ASAP2: variants seen among roughly 807,000 people sequenced by gnomAD.
ASAP2 encodes the protein ArfGAP with SH3 domain, ankyrin repeat and PH domain 2, also known as arf-GAP with SH3 domain, ANK repeat and PH domain-containing protein 2.
In ASAP2, 45 loss-of-function variants were observed where a neutral mutation model predicts 131.4. The observed-to-expected ratio is 0.34, with a 90% CI of 0.27 to 0.44. ASAP2 has a LOEUF of 0.44. ASAP2 is among the 20% of genes least tolerant of loss of function. ASAP2 has a pLI of 1.00. For synonymous variants in ASAP2, 510 were observed against 503.0 expected, an observed-to-expected ratio of 1.01 and a Z score of -0.19; for missense variants, 1,011 against 1,297.0, an observed-to-expected ratio of 0.78 and a Z score of 3.39.
At chr2:9,274,089 T>A (rs1230771899) in intron 1 of ASAP2, among the ~76,000 whole-genome samples, 1 of 152,178 alleles carries the variant, frequency 6.6e-6, no homozygotes, top group Non-Finnish European at 1.5e-5. Context: ...CTGTAATAAT[T>A]ATCTCAGTTA....
Position 9,388,234 on chromosome 2 carries a change from T to C in ASAP2, c.2131-60T>C, listed in dbSNP as rs1028674947. ...GAGGTTTTCACCCCTGTGTTGAATGTTATCACCAGGAGCAGTTCATATTTG... is the reference window on the plus strand; with the variant it reads ...GAGGTTTTCACCCCTGTGTTGAATGCTATCACCAGGAGCAGTTCATATTTG... On this transcript the variant is annotated intron_variant, in intron 21 of 27. Transcript: ENST00000281419. The C allele has an allele frequency of 2.5e-6, 4 of 1,598,264 alleles. No individual in the cohort carries two copies. The East Asian group carries it at 9.0e-5, about 36-fold the overall frequency.
chr2:9,389,147 C>T lies in ASAP2; in HGVS notation c.2383+601C>T, dbSNP rs1302543493. On this transcript the variant is annotated intron_variant, in intron 22 of 27. Coordinates refer to ENST00000281419, the MANE Select transcript of ASAP2 (RefSeq NM_003887.3). The surrounding 1 kb of genome is among the most constrained non-coding windows in gnomAD (Gnocchi z 4.7). ...GTGACACTTTCTGTTTTTAGAAATA[C>T]GCAAACCAAAGCTCTCAGAAGTTAA... 6.6e-6 allele frequency among the ~76,000 whole-genome samples: 1 copy of T among 152,196 alleles called. No individual in the cohort carries two copies. The highest frequency in any genetic ancestry group is 6.5e-5 in the Admixed American group (1 of 15,280).
intron 2 of ASAP2, among the ~76,000 whole-genome samples, chr2:9,285,316 G>A (rs751729604): frequency 1.3e-5 from 2 of 152,044 alleles, no homozygotes; most frequent in Non-Finnish European, 2.9e-5. Flanking sequence ...CCCAGGTGAC[G>A]GCACTGGACT....
intron 1 of ASAP2, among the ~76,000 whole-genome samples, chr2:9,254,254 T>TATATATATACATATACACACAC (rs1553297027): frequency 1.5e-5 from 1 of 65,766 alleles, no homozygotes; most frequent in Admixed American, 1.7e-4. Context: ...TATATATATA[T>TATATATATACATATACACACAC]ACACGTGTGT....
intron 1 of ASAP2, among the ~76,000 whole-genome samples, chr2:9,258,064 G>A (rs761824196): frequency 6.6e-6 from 1 of 152,066 alleles, no homozygotes; most frequent in African/African-American, 2.4e-5. Flanking sequence ...ACCAGTGCTG[G>A]TATCATCACA....
intron 24 of ASAP2, among the ~76,000 whole-genome samples, chr2:9,395,920 T>G (rs533918979): frequency 1.3e-5 from 2 of 152,122 alleles, no homozygotes; most frequent in Non-Finnish European, 2.9e-5. Flanking sequence ...CCCTGAAGTT[T>G]TTTAGGAGTA....
chr2:9,326,670 T>C (rs972652057), intron 6 of ASAP2, among the ~76,000 whole-genome samples: 1 of 152,344 alleles, frequency 6.6e-6, no homozygotes, highest in Non-Finnish European at 1.5e-5. Flanking sequence ...TAAGTAGATC[T>C]TTCGCTGCTG....
intron 2 of ASAP2, among the ~76,000 whole-genome samples, chr2:9,291,441 C>G (rs1405057517): frequency 6.6e-6 from 1 of 152,166 alleles, no homozygotes; most frequent in African/African-American, 2.4e-5. Flanking sequence ...CCCATGAGAT[C>G]ATGCGCCACA....
In ASAP2 at chr2:9,207,547, T is replaced by C. The variant is rs1443194727; in HGVS notation, c.126+317T>C. 6.6e-6 allele frequency among the ~76,000 whole-genome samples: 1 copy of C among 150,740 alleles called. No individual in the cohort carries two copies. The highest frequency in any genetic ancestry group is 1.5e-5 in the Non-Finnish European group (1 of 67,568). ...GTCCGCGGCGAGCGGGGGATCCCGCTGCCCGCCGCCGCCCGCCGCCGCCCG... is the reference window on the plus strand; with the variant it reads ...GTCCGCGGCGAGCGGGGGATCCCGCCGCCCGCCGCCGCCCGCCGCCGCCCG... On this transcript the variant is annotated intron_variant, in intron 1 of 27. Coordinates refer to ENST00000281419, the MANE Select transcript of ASAP2 (RefSeq NM_003887.3). This position sits in a 1 kb window ranked among gnomAD's most constrained non-coding sequence, Gnocchi z 4.1.
chr2:9,213,573 A>G (rs988367537), intron 1 of ASAP2, among the ~76,000 whole-genome samples: 1 of 152,104 alleles, frequency 6.6e-6, no homozygotes, highest in Admixed American at 6.5e-5. Context: ...GTGAGGGGCT[A>G]TTGCAGTCAT....
At chr2:9,280,053 A>G (rs1254134065) in intron 2 of ASAP2, among the ~76,000 whole-genome samples, 3 of 152,172 alleles carry the variant, frequency 2.0e-5, no homozygotes, top group Non-Finnish European at 4.4e-5. Flanking sequence ...GCATCCTTGC[A>G]GGGCTAGGAA....
chr2:9,369,808 A>G (rs1196009321), intron 16 of ASAP2, among the ~76,000 whole-genome samples: 2 of 152,214 alleles, frequency 1.3e-5, no homozygotes. Flanking sequence ...GTGGTTTCAC[A>G]AATAGGTGGT....
intron 24 of ASAP2, among the ~76,000 whole-genome samples, chr2:9,394,048 A>G (rs1675926966): frequency 6.6e-6 from 1 of 152,186 alleles, no homozygotes; most frequent in South Asian, 2.1e-4. Context: ...ACCACCTGCA[A>G]AATCAGGAAA....
rs1382293547 is a variant in ASAP2 at position 9,207,798 on chromosome 2, G to A, written c.126+568G>A. On this transcript the variant is annotated intron_variant, in intron 1 of 27. Coordinates refer to ENST00000281419, the MANE Select transcript of ASAP2 (RefSeq NM_003887.3). This position sits in a 1 kb window ranked among gnomAD's most constrained non-coding sequence, Gnocchi z 4.1. The stretch of plus-strand genomic sequence containing the variant: ...TGCCCGGAGAAGGAACTGCGGGCAA[G>A]GTGTGTGAGAGTCGGCGCTTCTGGG... Among the ~76,000 whole-genome samples the A allele has an allele frequency of 6.6e-6, 1 of 152,192 alleles. No individual in the cohort carries two copies. The highest frequency in any genetic ancestry group is 1.5e-5 in the Non-Finnish European group (1 of 68,026).
In ASAP2 at chr2:9,217,739, C is replaced by T. The variant is rs6758064; in HGVS notation, c.126+10509C>T. Among the ~76,000 whole-genome samples the T allele has an allele frequency of 0.23, 34,887 of 151,646 alleles. 4,166 individuals are homozygous for T. The highest frequency in any genetic ancestry group is 0.26 in the Non-Finnish European group (17,730 of 67,878). Reference sequence around the variant, plus strand: ...ACGCCATTCTTCTGTCTCCGCCTCCCGAGTAGCTGGGACTACAGGCGCCTG... The same window carrying T: ...ACGCCATTCTTCTGTCTCCGCCTCCTGAGTAGCTGGGACTACAGGCGCCTG... On this transcript the variant is annotated intron_variant, in intron 1 of 27. Coordinates refer to ENST00000281419, the MANE Select transcript of ASAP2 (RefSeq NM_003887.3). This position sits in a 1 kb window ranked among gnomAD's most constrained non-coding sequence, Gnocchi z 4.0.
chr2:9,364,815 C>T (rs950678265), intron 15 of ASAP2, among the ~76,000 whole-genome samples: 3 of 152,240 alleles, frequency 2.0e-5, no homozygotes, highest in East Asian at 1.9e-4. Flanking sequence ...TGGTCATTTA[C>T]GGAGGAACTG....
chr2:9,322,189 C>T (rs1302524446), intron 5 of ASAP2, among the ~76,000 whole-genome samples: 1 of 152,166 alleles, frequency 6.6e-6, no homozygotes, highest in Non-Finnish European at 1.5e-5. Flanking sequence ...TTCACTCATT[C>T]ACTCCTTCAA....
At chr2:9,309,391 A>C (rs1390131049) in intron 3 of ASAP2, among the ~76,000 whole-genome samples, 2 of 152,226 alleles carry the variant, frequency 1.3e-5, no homozygotes, top group Non-Finnish European at 2.9e-5. Flanking sequence ...AAAGGCGTAC[A>C]TGCGGGATGA....
chr2:9,269,559 G>A (rs1345116055), intron 1 of ASAP2, among the ~76,000 whole-genome samples: 1 of 152,206 alleles, frequency 6.6e-6, no homozygotes, highest in East Asian at 1.9e-4. Context: ...GGGTGATGTT[G>A]ATGCTGAGCC....
Sources: gnomAD v4.1 joint callset for allele counts (sites outside exome capture counted in the v4.1 genomes callset) on GRCh38, gnomAD v4.1.1 for gene constraint, Gnocchi (gnomAD v3.1) non-coding constraint, MANE v1.5 for transcripts, NCBI Gene and HGNC (gene_info 2026-07-23, HGNC 2026-07-21) for gene names.